The following HIVEP2 variants were observed in gnomAD, a reference collection of about 807,000 sequenced individuals.
HIVEP2 encodes the protein HIVEP zinc finger 2, also known as transcription factor HIVEP2.
HIVEP2 carries 14 observed loss-of-function variants against 180.7 expected under a neutral mutation model. The ratio of observed to expected loss-of-function variants is 0.08; its 90% CI spans 0.05 to 0.12. The LOEUF (loss-of-function observed/expected upper bound fraction) is 0.12. HIVEP2 is among the 10% of genes least tolerant of loss of function. The pLI is 1.00. For missense variants in HIVEP2, 2,579 were observed against 3,008.5 expected (o/e 0.86, Z 3.34); for synonymous variants, 1,184 against 1,136.4 (o/e 1.04, Z -0.84).
intron 1 of HIVEP2, among the ~76,000 whole-genome samples, chr6:142,925,682 C>A (rs538816031): frequency 6.6e-6 from 1 of 152,280 alleles, no homozygotes; most frequent in African/African-American, 2.4e-5. Flanking sequence ...ATGGGGACTT[C>A]TTTTAAATGA....
intron 1 of HIVEP2, among the ~76,000 whole-genome samples, chr6:142,865,926 C>T (rs903436241): frequency 6.6e-6 from 1 of 152,172 alleles, no homozygotes; most frequent in African/African-American, 2.4e-5. Flanking sequence ...CCTCTTCTTA[C>T]AGTGAAAAAG....
Position 142,896,869 on chromosome 6 carries a change from T to A in HIVEP2, c.-641+48230A>T, listed in dbSNP as rs1028856734. ...ACTTGGTCAGCACATATAAACAGGT[T>A]CACAATGATGCAGAAATGCTTTCTG... On this transcript the variant is annotated intron_variant, in intron 1 of 9. Coordinates refer to ENST00000367603, the MANE Select transcript of HIVEP2 (RefSeq NM_006734.4). Among the ~76,000 whole-genome samples, 10 of 152,260 alleles carry A rather than the reference T, an allele frequency of 6.6e-5. No individual in the cohort carries two copies. The South Asian group carries it at 1.2e-3, about 19-fold the overall frequency.
chr6:142,901,710 C>A (rs903463940), intron 1 of HIVEP2, among the ~76,000 whole-genome samples: 3 of 152,110 alleles, frequency 2.0e-5, no homozygotes, highest in Non-Finnish European at 4.4e-5. Context: ...TAATCTTGAG[C>A]CTCAATGTCT....
At chr6:142,831,659 G>T (rs1266513178) in intron 2 of HIVEP2, among the ~76,000 whole-genome samples, 1 of 152,198 alleles carries the variant, frequency 6.6e-6, no homozygotes, top group Non-Finnish European at 1.5e-5. Context: ...AAAACAAGGA[G>T]AATGAGACCT....
At chr6:142,863,098 A>T (rs955141895) in intron 1 of HIVEP2, among the ~76,000 whole-genome samples, 76 of 145,378 alleles carry the variant, frequency 5.2e-4, no homozygotes, top group Non-Finnish European at 1.0e-3. Context: ...AATTACATAT[A>T]ATAAATATAT....
At chr6:142,776,464 T>C (rs1368501325) in intron 3 of HIVEP2, among the ~76,000 whole-genome samples, 1 of 152,196 alleles carries the variant, frequency 6.6e-6, no homozygotes, top group East Asian at 1.9e-4. Flanking sequence ...ATGAAACATC[T>C]TAGTTACTTA....
intron 1 of HIVEP2, among the ~76,000 whole-genome samples, chr6:142,883,020 A>G (rs1776610448): frequency 6.6e-6 from 1 of 152,144 alleles, no homozygotes; most frequent in African/African-American, 2.4e-5. Context: ...ATAGAAACCA[A>G]GTATACAGGG....
intron 2 of HIVEP2, among the ~76,000 whole-genome samples, chr6:142,810,215 T>C (rs545325797): frequency 6.0e-4 from 91 of 152,328 alleles, no homozygotes; most frequent in African/African-American, 2.1e-3. Context: ...ATGATAGCAA[T>C]TATAATGACT....
intron 1 of HIVEP2, among the ~76,000 whole-genome samples, chr6:142,889,925 A>C (rs774234368): frequency 1.6e-4 from 24 of 152,172 alleles, no homozygotes; most frequent in Non-Finnish European, 2.6e-4. Context: ...AATTTTAATT[A>C]ATTTAAATTT....
At chr6:142,911,555 G>A (rs997373629) in intron 1 of HIVEP2, among the ~76,000 whole-genome samples, 7 of 152,170 alleles carry the variant, frequency 4.6e-5, no homozygotes, top group African/African-American at 1.2e-4. Context: ...ATTTACAGAC[G>A]AGGAGACTAA....
At position 142,773,975 on chromosome 6, in the gene HIVEP2, A is replaced by C; in HGVS notation, c.764T>G (p.Val255Gly). Residue 255 changes from valine (V) to glycine (G), a missense_variant, in exon 5 of 10, where the codon GTA (valine) becomes GGA (glycine). By Grantham distance (109) the Val-to-Gly change is moderately radical (BLOSUM62 -3). Coordinates refer to ENST00000367603, the MANE Select transcript of HIVEP2 (RefSeq NM_006734.4). ...ACCAGCCTCTAGGTCCAATTTAGAT[A>C]CAGCTGACTCTGTGAAAGGTACTAA... ...AGLVPFTESA[V>G]SKLDLEAGFI... 1 of 1,614,230 alleles carries C rather than the reference A, an allele frequency of 6.2e-7. No individual in the cohort carries two copies. Among genetic ancestry groups the C allele is most frequent in the East Asian group, 2.2e-5 (1 of 44,876 alleles).
At chr6:142,785,255 CA>C (rs897819580) in intron 2 of HIVEP2, among the ~76,000 whole-genome samples, 1 of 86,000 alleles carries the variant, frequency 1.2e-5, no homozygotes, top group African/African-American at 3.9e-5. Flanking sequence ...AAAAGCACTT[CA>C]AAAAAAACCC....
intron 2 of HIVEP2, among the ~76,000 whole-genome samples, chr6:142,798,695 A>G (rs12211360): frequency 0.12 from 18,101 of 152,186 alleles, 1,376 homozygotes; most frequent in Middle Eastern, 0.2. Flanking sequence ...TGATTGATGA[A>G]GTACATAGTC....
intron 1 of HIVEP2, among the ~76,000 whole-genome samples, chr6:142,907,018 C>G (rs1777279276): frequency 6.6e-6 from 1 of 152,172 alleles, no homozygotes; most frequent in Admixed American, 6.5e-5. Context: ...TACCATAAAA[C>G]AATGACTGTT....
At chr6:142,899,348 G>T (rs1006314148) in intron 1 of HIVEP2, among the ~76,000 whole-genome samples, 16 of 152,188 alleles carry the variant, frequency 1.1e-4, no homozygotes, top group African/African-American at 3.9e-4. Context: ...AAGTAAAGCT[G>T]CTGCATTGCT....
At chr6:142,878,950 T>C (rs1776514272) in intron 1 of HIVEP2, among the ~76,000 whole-genome samples, 3 of 152,178 alleles carry the variant, frequency 2.0e-5, no homozygotes, top group Admixed American at 6.6e-5. Flanking sequence ...CTGCCACTCA[T>C]GAACTGTGTG....
At chr6:142,922,721 T>C (rs889805178) in intron 1 of HIVEP2, among the ~76,000 whole-genome samples, 3 of 152,162 alleles carry the variant, frequency 2.0e-5, no homozygotes, top group Admixed American at 6.5e-5. Flanking sequence ...TCCCACTCTA[T>C]ACTGACTGCC....
chr6:142,757,096 T>C (rs544581004), intron 9 of HIVEP2, among the ~76,000 whole-genome samples: 12 of 152,276 alleles, frequency 7.9e-5, no homozygotes, highest in Non-Finnish European at 1.3e-4. Context: ...CTTCCCAACC[T>C]GTGTTGGCTA....
intron 1 of HIVEP2, among the ~76,000 whole-genome samples, chr6:142,864,748 G>C (rs1304036589): frequency 6.6e-6 from 1 of 152,012 alleles, no homozygotes; most frequent in Non-Finnish European, 1.5e-5. Flanking sequence ...ATAAACACAG[G>C]GTAGGAAAAA....
Sources: allele counts gnomAD v4.1 joint callset (sites outside exome capture counted in the v4.1 genomes callset), GRCh38; gene constraint gnomAD v4.1.1; transcripts MANE v1.5; gene names NCBI Gene and HGNC (gene_info 2026-07-23, HGNC 2026-07-21).